ANKS1B: variants seen among roughly 807,000 people sequenced by gnomAD.
ANKS1B encodes ankyrin repeat and sterile alpha motif domain containing 1B.
In ANKS1B, 36 loss-of-function variants were observed where a neutral mutation model predicts 148.3. That is an observed-to-expected ratio of 0.24 (90% CI 0.19 to 0.32). ANKS1B has a LOEUF of 0.32. ANKS1B is among the 10% of genes least tolerant of loss of function. The pLI is 1.00. For synonymous variants in ANKS1B, 542 were observed against 560.8 expected (o/e 0.97, Z 0.47); for missense variants, 1,157 against 1,542.6 (o/e 0.75, Z 4.19).
At chr12:99,232,054 C>T (rs1405450745) in intron 14 of ANKS1B, among the ~76,000 whole-genome samples, 3 of 152,008 alleles carry the variant, frequency 2.0e-5, no homozygotes, top group Non-Finnish European at 4.4e-5. Context: ...CCTCAGATCC[C>T]AGGAAGAAGA....
chr12:98,958,342 T>C (rs1464232351), intron 17 of ANKS1B, among the ~76,000 whole-genome samples: 1 of 152,210 alleles, frequency 6.6e-6, no homozygotes, highest in Non-Finnish European at 1.5e-5. Context: ...CCTACTTACT[T>C]ACAGTCAGCA....
At chr12:99,373,107 G>A (rs1304117147) in intron 12 of ANKS1B, among the ~76,000 whole-genome samples, 1 of 152,098 alleles carries the variant, frequency 6.6e-6, no homozygotes, top group East Asian at 1.9e-4. Context: ...TCAAGTGTAG[G>A]TTCATTTTTA....
At chr12:99,602,025 A>G (rs556227445) in intron 9 of ANKS1B, among the ~76,000 whole-genome samples, 2 of 152,122 alleles carry the variant, frequency 1.3e-5, no homozygotes, top group East Asian at 1.9e-4. Flanking sequence ...GTCTGGCTTT[A>G]GGGGAGAGGG....
At chr12:99,787,038 A>C (rs1373221934) in intron 4 of ANKS1B, among the ~76,000 whole-genome samples, 1 of 152,242 alleles carries the variant, frequency 6.6e-6, no homozygotes, top group Non-Finnish European at 1.5e-5. Context: ...GCATTCTAGA[A>C]ATAGAAAATA....
chr12:99,858,339 G>C (rs1603365768), intron 1 of ANKS1B, among the ~76,000 whole-genome samples: 1 of 151,860 alleles, frequency 6.6e-6, no homozygotes, highest in East Asian at 1.9e-4. Flanking sequence ...CCTTACTCCT[G>C]CAAGAATGGC....
At chr12:98,792,571 T>C (rs576948879) in intron 22 of ANKS1B, among the ~76,000 whole-genome samples, 68 of 152,170 alleles carry the variant, frequency 4.5e-4, no homozygotes, top group Non-Finnish European at 7.9e-4. Context: ...TGTAAGTTTG[T>C]TACCATTGAG....
chr12:99,330,437 A>C (rs2087285475), intron 12 of ANKS1B, among the ~76,000 whole-genome samples: 1 of 151,956 alleles, frequency 6.6e-6, no homozygotes, highest in Admixed American at 6.6e-5. Context: ...CTTCCCAGCT[A>C]CAAAATGAGA....
intron 12 of ANKS1B, among the ~76,000 whole-genome samples, chr12:99,318,297 G>A (rs1369766666): frequency 6.6e-6 from 1 of 152,152 alleles, no homozygotes; most frequent in Admixed American, 6.6e-5. Flanking sequence ...TCTAGTCCTG[G>A]ACTTTTTTTG....
At chr12:99,110,854 T>C (rs527662351) in intron 15 of ANKS1B, among the ~76,000 whole-genome samples, 2 of 152,316 alleles carry the variant, frequency 1.3e-5, no homozygotes, top group South Asian at 2.1e-4. Context: ...AAAATTGCCA[T>C]TGCTTCACTG....
chr12:98,797,161 T>C (rs537694887), intron 22 of ANKS1B, among the ~76,000 whole-genome samples: 42 of 152,316 alleles, frequency 2.8e-4, no homozygotes, highest in African/African-American at 9.6e-4. Context: ...TTAGGCCAGA[T>C]AAATATTTAG....
intron 11 of ANKS1B, among the ~76,000 whole-genome samples, chr12:99,436,661 T>C (rs529349110): frequency 2.0e-5 from 3 of 152,132 alleles, no homozygotes; most frequent in Non-Finnish European, 4.4e-5. Context: ...CTGTTAATAA[T>C]GGCAGGGAGA....
chr12:99,834,392 CTGTA>C (rs1481124338), intron 1 of ANKS1B, among the ~76,000 whole-genome samples: 9 of 152,148 alleles, frequency 5.9e-5, no homozygotes, highest in African/African-American at 1.9e-4. Flanking sequence ...ATCTTAAATT[CTGTA>C]TGTGAGAATT....
intron 11 of ANKS1B, among the ~76,000 whole-genome samples, chr12:99,434,808 T>C (rs1278165413): frequency 6.6e-6 from 1 of 151,996 alleles, no homozygotes; most frequent in Non-Finnish European, 1.5e-5. Flanking sequence ...CTAGACATGC[T>C]CTAGGGGAAA....
chr12:99,263,845 G>C (rs1602199960), intron 12 of ANKS1B, among the ~76,000 whole-genome samples: 1 of 152,160 alleles, frequency 6.6e-6, no homozygotes. Context: ...TGAAACGTGA[G>C]TCAACTAAAC....
At chr12:98,990,467 T>G in intron 17 of ANKS1B, among the ~76,000 whole-genome samples, 2 of 139,346 alleles carry the variant, frequency 1.4e-5, no homozygotes. Flanking sequence ...AACAGAAAAA[T>G]AAATAACCTG....
chr12:99,453,818 A>G (rs2095800162), intron 10 of ANKS1B, among the ~76,000 whole-genome samples: 1 of 152,250 alleles, frequency 6.6e-6, no homozygotes. Context: ...TGACTACTTA[A>G]TGGAAAACAT....
chr12:99,662,580 G>A (rs752490986), intron 8 of ANKS1B, among the ~76,000 whole-genome samples: 4 of 152,220 alleles, frequency 2.6e-5, no homozygotes, highest in African/African-American at 7.2e-5. Flanking sequence ...AGGAACCAAT[G>A]TAACTATAAC....
chr12:99,414,109 G>C (rs991632838), intron 11 of ANKS1B, among the ~76,000 whole-genome samples: 1 of 150,732 alleles, frequency 6.6e-6, no homozygotes, highest in African/African-American at 2.5e-5. Context: ...ATCAATCAGA[G>C]CAGTTATACT....
In ANKS1B at chr12:99,154,365, T is replaced by C. The variant is rs1225747545; in HGVS notation, c.2450A>G (p.Gln817Arg). The change falls in exon 15 of 27, where the codon CAA (glutamine) becomes CGA (arginine). Residue 817 changes from glutamine (Q) to arginine (R), a missense_variant. Physicochemically the swap from Gln to Arg is conservative, Grantham distance 43. This residue lies in a region of ANKS1B where 258 missense variants were observed against 497.0 expected (regional missense o/e 0.52). Coordinates refer to ENST00000683438, the MANE Select transcript of ANKS1B (RefSeq NM_001352186.2). ...RPRCPVQTVGQWLESIGLPQY... is the reference protein window; with the variant it reads ...RPRCPVQTVGRWLESIGLPQY... ...AGGTAGCCCAATGCTTTCCAACCAT[T>C]GTCCCACTGTTTGGACAGGGCATCT... The C allele has an allele frequency of 2.5e-6, 4 of 1,613,728 alleles. No homozygotes were observed. The Admixed American group carries it at 6.7e-5, about 27-fold the overall frequency.
Sources: gnomAD v4.1 joint callset for allele counts (sites outside exome capture counted in the v4.1 genomes callset) on GRCh38, gnomAD v4.1.1 for gene constraint, gnomAD v4.1.1 regional missense constraint, MANE v1.5 for transcripts, NCBI Gene and HGNC (gene_info 2026-07-23, HGNC 2026-07-21) for gene names.